FMN1: variants seen among roughly 807,000 people sequenced by gnomAD.
The protein encoded by FMN1 is formin 1.
Under a neutral mutation model 132.4 loss-of-function variants are expected in FMN1, and 110 were observed. The ratio of observed to expected loss-of-function variants is 0.83; its 90% CI spans 0.71 to 0.97. The LOEUF (loss-of-function observed/expected upper bound fraction) is 0.97. Ranked by LOEUF, FMN1 falls within the 50% of genes least tolerant of loss-of-function variation. FMN1 has a pLI of 0.00. For synonymous variants in FMN1, 722 were observed against 651.7 expected, an observed-to-expected ratio of 1.11 and a Z score of -1.64; for missense variants, 1,792 against 1,705.3, an observed-to-expected ratio of 1.05 and a Z score of -0.90.
rs759640637 is a variant in FMN1 at position 32,804,329 on chromosome 15, T to C, written c.3932A>G (p.Lys1311Arg). The C allele has an allele frequency of 1.2e-5, 18 of 1,560,048 alleles. No homozygotes were observed. In the East Asian group the frequency reaches 2.1e-4, roughly 18 times the overall value. ...ACTTTCTTCCATCTTATGCTCTTTT[T>C]TGGCTGTAAAAGATAAATCATGATT... The part of the protein sequence containing the change: ...DKLEEFFQKA[K>R]KEHKMEESHL... Residue 1311 changes from lysine to arginine, a missense_variant, in exon 18 of 21, where the codon AAA becomes AGA. Around this residue, in one of 3 missense-constraint regions of FMN1, gnomAD observed 1,150 missense variants for 1,043.1 expected, o/e 1.10. Coordinates refer to ENST00000616417, the MANE Select transcript of FMN1 (RefSeq NM_001277313.2).
At chr15:32,791,435 G>A (rs2057073970) in intron 19 of FMN1, among the ~76,000 whole-genome samples, 1 of 151,708 alleles carries the variant, frequency 6.6e-6, no homozygotes, top group African/African-American at 2.4e-5. Context: ...ACCATCCATG[G>A]CTAATTATCT....
chr15:33,071,503 A>C (rs1436508112), intron 5 of FMN1, among the ~76,000 whole-genome samples: 2 of 152,156 alleles, frequency 1.3e-5, no homozygotes. Context: ...CCTGCCTTCC[A>C]CCTCCATGAA....
chr15:32,840,459 G>C (rs2058722277), intron 17 of FMN1, among the ~76,000 whole-genome samples: 1 of 152,144 alleles, frequency 6.6e-6, no homozygotes, highest in Admixed American at 6.5e-5. Flanking sequence ...TACTACCGAG[G>C]ACCTAACAGC....
chr15:32,802,498 T>C (rs191619097), intron 18 of FMN1, among the ~76,000 whole-genome samples: 12 of 152,322 alleles, frequency 7.9e-5, no homozygotes, highest in Middle Eastern at 6.8e-3. Context: ...TTAAAGAGTA[T>C]AACCAAACAA....
At chr15:33,074,110 A>G (rs1255448729) in intron 5 of FMN1, among the ~76,000 whole-genome samples, 2 of 152,108 alleles carry the variant, frequency 1.3e-5, no homozygotes. Flanking sequence ...CATACTGCTC[A>G]AGTGCAGCAC....
intron 6 of FMN1, among the ~76,000 whole-genome samples, chr15:33,011,171 GTAAT>G (rs1174072557): frequency 3.9e-5 from 6 of 152,248 alleles, no homozygotes; most frequent in African/African-American, 1.2e-4. Flanking sequence ...TTCTTACAAT[GTAAT>G]TAACATGGCA....
chr15:33,102,173 TGA>T (rs1258744960), intron 4 of FMN1, among the ~76,000 whole-genome samples: 4 of 152,190 alleles, frequency 2.6e-5, no homozygotes, highest in African/African-American at 9.6e-5. Context: ...ACCATAAAGC[TGA>T]GTCTTCAGAG....
At chr15:32,896,384 C>T (rs1227333826) in intron 15 of FMN1, among the ~76,000 whole-genome samples, 1 of 151,940 alleles carries the variant, frequency 6.6e-6, no homozygotes, top group Non-Finnish European at 1.5e-5. Flanking sequence ...TTGACTGGTA[C>T]TTCCAACAGA....
At position 32,843,917 on chromosome 15, in the gene FMN1, ATC is replaced by A. The variant is rs544614424; in HGVS notation, c.3928+13096_3928+13097del. ...ATTTCCTTAACGAGAAGACCAGTTT[ATC>A]TCTGTTTAAAACAGTTCTGATCTAC... On this transcript the variant is annotated intron_variant, in intron 17 of 20. Coordinates refer to ENST00000616417, the MANE Select transcript of FMN1 (RefSeq NM_001277313.2). 5.3e-5 allele frequency among the ~76,000 whole-genome samples: 8 copies of A among 152,332 alleles called. No individual in the cohort carries two copies. The South Asian group carries it at 1.7e-3, about 32-fold the overall frequency.
chr15:33,052,371 A>G (rs1415018321), intron 6 of FMN1, among the ~76,000 whole-genome samples: 1 of 152,248 alleles, frequency 6.6e-6, no homozygotes, highest in East Asian at 1.9e-4. Context: ...GGAACTCGAT[A>G]AAAATGCTGG....
chr15:32,885,956 G>A (rs2059886534), intron 16 of FMN1, among the ~76,000 whole-genome samples: 1 of 152,036 alleles, frequency 6.6e-6, no homozygotes, highest in Admixed American at 6.5e-5. Context: ...AAACCTCAAA[G>A]CCTCATCAAA....
At position 32,908,153 on chromosome 15, in the gene FMN1, A is replaced by C. The variant is rs1415956363; in HGVS notation, c.3377+337T>G. ...TGATATCATCTTTTTAACTTCATCA[A>C]GAGAACCTTAAACAGAACAATGCCT... On this transcript the variant is annotated intron_variant, in intron 12 of 20. Coordinates refer to ENST00000616417, the MANE Select transcript of FMN1 (RefSeq NM_001277313.2). The C allele has an allele frequency of 3.7e-5, 7 of 186,746 alleles. No individual in the cohort carries two copies. The South Asian group carries it at 1.0e-3, about 28-fold the overall frequency. The allele number at this position is 186,746 out of a possible 1,614,324, so 11.6% of individuals were successfully genotyped here.
chr15:33,051,404 G>T (rs1192596294), intron 6 of FMN1, among the ~76,000 whole-genome samples: 2 of 152,174 alleles, frequency 1.3e-5, no homozygotes, highest in Non-Finnish European at 2.9e-5. Flanking sequence ...GTTACAGTAG[G>T]TAGCTAGTCA....
At chr15:33,146,992 G>A (rs1964250273) in intron 4 of FMN1, among the ~76,000 whole-genome samples, 1 of 151,998 alleles carries the variant, frequency 6.6e-6, no homozygotes. Flanking sequence ...GGCCAACGTG[G>A]TGAAATCCCA....
intron 15 of FMN1, 113 bp downstream of exon 15, chr15:32,898,721 T>C (rs1164039438): frequency 5.8e-6 from 4 of 688,576 alleles, no homozygotes; most frequent in Non-Finnish European, 1.0e-5. Flanking sequence ...GCTGGAGAGC[T>C]CTCATATTCT....
intron 9 of FMN1, among the ~76,000 whole-genome samples, chr15:32,933,287 A>G (rs2061168846): frequency 6.6e-6 from 1 of 152,106 alleles, no homozygotes; most frequent in African/African-American, 2.4e-5. Context: ...TAATGTTTCC[A>G]GTTTTCTTCC....
At chr15:33,134,329 G>C (rs1275242962) in intron 4 of FMN1, among the ~76,000 whole-genome samples, 1 of 152,210 alleles carries the variant, frequency 6.6e-6, no homozygotes, top group African/African-American at 2.4e-5. Flanking sequence ...GATGCCACTG[G>C]ATGGCCCAGG....
chr15:33,176,462 C>T (rs1410102123), intron 3 of FMN1, among the ~76,000 whole-genome samples: 2 of 143,516 alleles, frequency 1.4e-5, no homozygotes, highest in East Asian at 2.1e-4. Context: ...GACAAGATCA[C>T]GCCACTGCAC....
intron 9 of FMN1, among the ~76,000 whole-genome samples, chr15:32,962,679 G>A (rs7172820): frequency 0.18 from 25,835 of 142,332 alleles, 3,292 homozygotes; most frequent in African/African-American, 0.38. Flanking sequence ...AAAAGTGGGC[G>A]AAGGACATGA....
Sources: gnomAD v4.1 joint callset for allele counts (sites outside exome capture counted in the v4.1 genomes callset) on GRCh38, gnomAD v4.1.1 for gene constraint, gnomAD v4.1.1 regional missense constraint, MANE v1.5 for transcripts, NCBI Gene and HGNC (gene_info 2026-07-23, HGNC 2026-07-21) for gene names.